RPS6KC1: variants seen among roughly 807,000 people sequenced by gnomAD.
The protein encoded by RPS6KC1 is inactive ribosomal protein S6 kinase delta-1.
In RPS6KC1, 54 loss-of-function variants were observed where a neutral mutation model predicts 103.8. That is an observed-to-expected ratio of 0.52 (90% CI 0.42 to 0.65). RPS6KC1 has a LOEUF of 0.65. Ranked by LOEUF, RPS6KC1 falls within the 30% of genes least tolerant of loss-of-function variation. The pLI is 0.00. For missense variants in RPS6KC1, 1,151 were observed against 1,253.8 expected (o/e 0.92, Z 1.24); for synonymous variants, 439 against 438.7 (o/e 1.00, Z -0.01).
At chr1:213,179,822 C>T (rs1295218510) in intron 8 of RPS6KC1, among the ~76,000 whole-genome samples, 1 of 152,106 alleles carries the variant, frequency 6.6e-6, no homozygotes, top group Non-Finnish European at 1.5e-5. Flanking sequence ...TCTTGGTCAC[C>T]ACTATGTTCT....
the RPS6KC1 span, among the ~76,000 whole-genome samples, chr1:213,827,187 T>C: frequency 6.6e-6 from 1 of 152,196 alleles, no homozygotes; most frequent in African/African-American, 2.4e-5. Context: ...CCACATGTTA[T>C]TGAACCTCCA....
At chr1:213,780,417 G>A in the RPS6KC1 span, among the ~76,000 whole-genome samples, 4 of 152,170 alleles carry the variant, frequency 2.6e-5, no homozygotes, top group Non-Finnish European at 5.9e-5. Flanking sequence ...ATCTATAGGA[G>A]CTCTGTGCAG....
chr1:213,155,664 C>CT lies in RPS6KC1; in HGVS notation c.836-12185dup, dbSNP rs1048160156. Among the ~76,000 whole-genome samples the CT allele has an allele frequency of 1.3e-4, 20 of 151,448 alleles. No homozygotes were observed. In the East Asian group the frequency reaches 2.9e-3, roughly 22 times the overall value. On this transcript the variant is annotated intron_variant, in intron 6 of 14. Transcript: ENST00000366960. Reference sequence around the variant, plus strand: ...GGGTGACGTCAGCAATTCGGGACTGCTTTTTTTTTGTATCTTTTCAGTGCC... The same window carrying CT: ...GGGTGACGTCAGCAATTCGGGACTGCTTTTTTTTTTGTATCTTTTCAGTGCC...
chr1:213,736,501 T>C, the RPS6KC1 span, among the ~76,000 whole-genome samples: 1 of 152,176 alleles, frequency 6.6e-6, no homozygotes, highest in Non-Finnish European at 1.5e-5. Context: ...CTAGCTCTAG[T>C]CTACTAACAT....
intron 8 of RPS6KC1, among the ~76,000 whole-genome samples, chr1:213,204,057 T>G (rs2093261498): frequency 6.6e-6 from 1 of 152,224 alleles, no homozygotes; most frequent in Admixed American, 6.5e-5. Flanking sequence ...CTCTTCTTTG[T>G]TCCAGTTGCA....
chr1:213,647,821 C>T, the RPS6KC1 span, among the ~76,000 whole-genome samples: 1,017 of 152,206 alleles, frequency 6.7e-3, 4 homozygotes, highest in Non-Finnish European at 9.3e-3. Context: ...AATTTAGTAG[C>T]CATTTGAAGA....
In RPS6KC1 at chr1:213,167,919, G is replaced by A. The variant is rs1202021596; in HGVS notation, c.897G>A (p.Arg299=). The change falls in exon 7 of 15, where the codon CGG becomes CGA. Residue 299 remains arginine, a synonymous_variant. Transcript: ENST00000366960. ...VKRRTAEYLM[R]AESISSLYGK... Reference sequence around the variant, plus strand: ...GAAGAACAGCCGAGTACCTCATGCGGGCAGAAAGTATCTCTAGTCTTTATG... The same window carrying A: ...GAAGAACAGCCGAGTACCTCATGCGAGCAGAAAGTATCTCTAGTCTTTATG... The A allele has an allele frequency of 6.2e-7, 1 of 1,613,806 alleles. No individual in the cohort carries two copies.
the RPS6KC1 span, among the ~76,000 whole-genome samples, chr1:213,773,018 C>T: frequency 6.6e-6 from 1 of 152,160 alleles, no homozygotes; most frequent in Non-Finnish European, 1.5e-5. Flanking sequence ...CTCAACGTCC[C>T]CTCTAAAGAC....
At chr1:213,202,019 C>T (rs558585773) in intron 8 of RPS6KC1, among the ~76,000 whole-genome samples, 1 of 152,198 alleles carries the variant, frequency 6.6e-6, no homozygotes, top group African/African-American at 2.4e-5. Context: ...ATGCAGAATT[C>T]TAAGCTCTCT....
the RPS6KC1 span, among the ~76,000 whole-genome samples, chr1:213,843,095 G>A: frequency 6.6e-6 from 1 of 152,158 alleles, no homozygotes; most frequent in Admixed American, 6.5e-5. Context: ...CTTAGGCAGG[G>A]TTTCCATGTT....
the RPS6KC1 span, among the ~76,000 whole-genome samples, chr1:213,752,686 T>G: frequency 6.6e-6 from 1 of 152,236 alleles, no homozygotes; most frequent in African/African-American, 2.4e-5. Context: ...TAAGCTTTAA[T>G]TTGAAGTGGC....
At chr1:213,832,336 C>T in the RPS6KC1 span, among the ~76,000 whole-genome samples, 17 of 152,296 alleles carry the variant, frequency 1.1e-4, no homozygotes, top group Admixed American at 3.9e-4. Context: ...TAAGACCCCA[C>T]GTCATACTTG....
chr1:213,725,089 C>T, the RPS6KC1 span, among the ~76,000 whole-genome samples: 1 of 152,328 alleles, frequency 6.6e-6, no homozygotes, highest in East Asian at 1.9e-4. Context: ...AAGCTGCCAG[C>T]TTAACGTCTT....
At chr1:213,744,964 G>C in the RPS6KC1 span, among the ~76,000 whole-genome samples, 2 of 152,220 alleles carry the variant, frequency 1.3e-5, no homozygotes, top group Admixed American at 1.3e-4. Context: ...GGCCCTTCAA[G>C]GTGCCTCTCA....
chr1:213,245,226 C>T (rs996494183), intron 12 of RPS6KC1, among the ~76,000 whole-genome samples: 12 of 152,130 alleles, frequency 7.9e-5, no homozygotes, highest in Non-Finnish European at 1.5e-4. Context: ...TTTTCCTCTC[C>T]TCAAAGGATG....
chr1:213,307,060 GT>G, the RPS6KC1 span, among the ~76,000 whole-genome samples: 1,018 of 130,452 alleles, frequency 7.8e-3, 3 homozygotes, highest in Middle Eastern at 0.02. Flanking sequence ...AAGGATGCAG[GT>G]TTTTTTTTTT....
At chr1:213,668,237 A>G in the RPS6KC1 span, among the ~76,000 whole-genome samples, 5 of 152,268 alleles carry the variant, frequency 3.3e-5, no homozygotes, top group Middle Eastern at 3.4e-3. Flanking sequence ...TATGTTTTTT[A>G]AATAATAAGA....
the RPS6KC1 span, among the ~76,000 whole-genome samples, chr1:213,307,711 A>G: frequency 6.6e-6 from 1 of 152,264 alleles, no homozygotes; most frequent in Non-Finnish European, 1.5e-5. Flanking sequence ...GGGTCTCCCA[A>G]GGGGCATCTT....
chr1:213,134,829 G>A (rs1162146333), intron 6 of RPS6KC1, among the ~76,000 whole-genome samples: 1 of 152,140 alleles, frequency 6.6e-6, no homozygotes, highest in Non-Finnish European at 1.5e-5. Flanking sequence ...CCAATCCCCT[G>A]TGGATACTGA....
Sources: gnomAD v4.1 joint callset for allele counts (sites outside exome capture counted in the v4.1 genomes callset) on GRCh38, gnomAD v4.1.1 for gene constraint, MANE v1.5 for transcripts, NCBI Gene and HGNC (gene_info 2026-07-23, HGNC 2026-07-21) for gene names.